Variants in PPP3CA observed in about 807,000 individuals in gnomAD.
PPP3CA encodes the protein CAM-PRP catalytic subunit.
PPP3CA carries 14 observed loss-of-function variants against 66.5 expected under a neutral mutation model. The observed-to-expected ratio is 0.21, with a 90% confidence interval of 0.14 to 0.33. The LOEUF (loss-of-function observed/expected upper bound fraction) is 0.33, where lower values mean the gene tolerates loss of function less well. PPP3CA is among the 10% of genes least tolerant of loss of function. The probability of loss-of-function intolerance (pLI) is 1.00; values close to 1 mark genes in which losing one functional copy is unlikely to be tolerated. For synonymous variants in PPP3CA, 232 were observed against 226.2 expected (o/e 1.03, Z -0.23); for missense variants, 317 against 639.5 (o/e 0.50, Z 5.44).
intron 12 of PPP3CA, 151 bp downstream of exon 12, chr4:101,032,116 G>C (rs1206710339): frequency 1.1e-5 from 6 of 524,006 alleles, no homozygotes; most frequent in Non-Finnish European, 2.0e-5. Context: ...GGACATGACT[G>C]ATCAAACTGA....
At chr4:101,301,495 ATT>A (rs1237890550) in intron 1 of PPP3CA, among the ~76,000 whole-genome samples, 1 of 138,752 alleles carries the variant, frequency 7.2e-6, no homozygotes, top group Non-Finnish European at 1.6e-5. Context: ...TATATATGTA[ATT>A]TTTTTTTTTT....
chr4:101,026,989 T>A (rs1726684466), intron 13 of PPP3CA, among the ~76,000 whole-genome samples: 2 of 152,226 alleles, frequency 1.3e-5, no homozygotes, highest in Non-Finnish European at 1.5e-5. Flanking sequence ...GGAATGATAT[T>A]TGATTTTTTT....
chr4:101,034,478 T>A (rs552599344), intron 11 of PPP3CA, among the ~76,000 whole-genome samples: 1 of 152,034 alleles, frequency 6.6e-6, no homozygotes, highest in African/African-American at 2.4e-5. Context: ...GTCCACTCCA[T>A]TCCCCTCCTG....
chr4:101,324,619 T>C (rs1729155267), intron 1 of PPP3CA, among the ~76,000 whole-genome samples: 1 of 152,152 alleles, frequency 6.6e-6, no homozygotes, highest in Admixed American at 6.6e-5. Context: ...TGGTCCAGTT[T>C]TTGTCCATTT....
In PPP3CA at chr4:101,174,324, C is replaced by A. The variant is rs573580762; in HGVS notation, c.259+21592G>T. 8.5e-5 allele frequency among the ~76,000 whole-genome samples: 13 copies of A among 152,138 alleles called. No individual in the cohort carries two copies. In the South Asian group the frequency reaches 2.5e-3, roughly 29 times the overall value. ...TTTTCAAGGAAGTGAAACAACCACA[C>A]CATTTGTTAATTTTTTCATTAAGAT... On this transcript the variant is annotated intron_variant, in intron 2 of 13. Transcript: ENST00000394854.
chr4:101,035,020 C>G (rs1255685097), intron 11 of PPP3CA, among the ~76,000 whole-genome samples: 1 of 152,164 alleles, frequency 6.6e-6, no homozygotes, highest in Non-Finnish European at 1.5e-5. Flanking sequence ...AATTCCAGCA[C>G]TTTGGGAGGC....
intron 1 of PPP3CA, among the ~76,000 whole-genome samples, chr4:101,340,441 T>C (rs1181301053): frequency 6.6e-6 from 1 of 152,138 alleles, no homozygotes; most frequent in African/African-American, 2.4e-5. Context: ...ATCTAAAGCT[T>C]CCACTACCCG....
intron 2 of PPP3CA, among the ~76,000 whole-genome samples, chr4:101,155,911 A>G (rs750837717): frequency 1.3e-5 from 2 of 152,236 alleles, no homozygotes; most frequent in Non-Finnish European, 2.9e-5. Context: ...CAAAGGCAGC[A>G]GCTAATATTC....
intron 6 of PPP3CA, among the ~76,000 whole-genome samples, chr4:101,088,109 T>A (rs1317714000): frequency 1.3e-5 from 2 of 152,144 alleles, no homozygotes; most frequent in African/African-American, 4.8e-5. Flanking sequence ...ACACACTCAC[T>A]CAGATTGTCT....
intron 2 of PPP3CA, among the ~76,000 whole-genome samples, chr4:101,174,396 G>T (rs1216289745): frequency 2.0e-5 from 3 of 152,122 alleles, no homozygotes; most frequent in Non-Finnish European, 4.4e-5. Context: ...AAAGTGCAAT[G>T]ACTTTAGGTA....
chr4:101,211,836 G>A (rs1425120310), intron 1 of PPP3CA, among the ~76,000 whole-genome samples: 1 of 152,126 alleles, frequency 6.6e-6, no homozygotes, highest in Non-Finnish European at 1.5e-5. Flanking sequence ...CAGAAACTGA[G>A]CTCTACATGC....
At chr4:101,344,744 T>G (rs966927404) in intron 1 of PPP3CA, among the ~76,000 whole-genome samples, 1 of 152,192 alleles carries the variant, frequency 6.6e-6, no homozygotes, top group Admixed American at 6.5e-5. Flanking sequence ...TATTTTTACA[T>G]GTTCACCTGA....
chr4:101,178,771 A>C (rs1724143558), intron 2 of PPP3CA, among the ~76,000 whole-genome samples: 1 of 152,100 alleles, frequency 6.6e-6, no homozygotes, highest in Admixed American at 6.6e-5. Context: ...ACATCACTAA[A>C]TCTAACATAA....
At chr4:101,330,325 C>A (rs530895616) in intron 1 of PPP3CA, 6 of 449,056 alleles carry the variant, frequency 1.3e-5, no homozygotes, top group Non-Finnish European at 2.2e-5. Context: ...AGTTGCTTCT[C>A]AAGGATGAGC....
At chr4:101,239,441 C>T (rs969071277) in intron 1 of PPP3CA, among the ~76,000 whole-genome samples, 5 of 151,920 alleles carry the variant, frequency 3.3e-5, no homozygotes, top group Non-Finnish European at 1.5e-5. Context: ...TTCTGTCTAC[C>T]AACAGAAGAA....
chr4:101,243,938 G>T (rs1182395929), intron 1 of PPP3CA, among the ~76,000 whole-genome samples: 2 of 152,130 alleles, frequency 1.3e-5, no homozygotes, highest in Non-Finnish European at 2.9e-5. Context: ...GAATAAAAGT[G>T]AATTCAAACG....
At position 101,040,574 on chromosome 4, in the gene PPP3CA, T is replaced by C; in HGVS notation, c.1157-8A>G. On this transcript the variant is annotated splice_region_variant and splice_polypyrimidine_tract_variant and intron_variant, in intron 10 of 13. Coordinates refer to ENST00000394854, the MANE Select transcript of PPP3CA (RefSeq NM_000944.5). Reference sequence around the variant, plus strand: ...GGGCTGCAGCTGTTGCACCTGTATTTTCAAACAGAGTTCAGTGGTCAGTAA... The same window carrying C: ...GGGCTGCAGCTGTTGCACCTGTATTCTCAAACAGAGTTCAGTGGTCAGTAA... The C allele has an allele frequency of 1.2e-6, 2 of 1,608,386 alleles. No individual in the cohort carries two copies. The highest frequency in any genetic ancestry group is 1.7e-6 in the Non-Finnish European group (2 of 1,176,864).
At chr4:101,171,589 G>A (rs574577474) in intron 2 of PPP3CA, among the ~76,000 whole-genome samples, 1 of 152,184 alleles carries the variant, frequency 6.6e-6, no homozygotes, top group East Asian at 1.9e-4. Flanking sequence ...AACATGGAAA[G>A]GTTAAGTAAC....
At chr4:101,208,464 C>G (rs200900876) in intron 1 of PPP3CA, among the ~76,000 whole-genome samples, 1 of 152,124 alleles carries the variant, frequency 6.6e-6, no homozygotes, top group African/African-American at 2.4e-5. Flanking sequence ...ATTCTTAGCA[C>G]ACTAAATACA....
Sources: allele counts gnomAD v4.1 joint callset (sites outside exome capture counted in the v4.1 genomes callset), GRCh38; gene constraint gnomAD v4.1.1; transcripts MANE v1.5; gene names NCBI Gene and HGNC (gene_info 2026-07-23, HGNC 2026-07-21).